The following VAV3 variants were observed in gnomAD, a reference collection of about 807,000 sequenced individuals.
VAV3 encodes vav guanine nucleotide exchange factor 3.
In VAV3, 94 loss-of-function variants were observed where a neutral mutation model predicts 131.2. The ratio of observed to expected loss-of-function variants is 0.72; its 90% CI spans 0.61 to 0.85. The LOEUF (loss-of-function observed/expected upper bound fraction) is 0.85. VAV3 is among the 40% of genes least tolerant of loss of function. VAV3 has a pLI of 0.00. For synonymous variants in VAV3, 349 were observed against 342.0 expected, an observed-to-expected ratio of 1.02 and a Z score of -0.22; for missense variants, 939 against 1,002.7, an observed-to-expected ratio of 0.94 and a Z score of 0.86.
chr1:107,950,078 G>C (rs1200404885), intron 1 of VAV3, among the ~76,000 whole-genome samples: 2 of 151,846 alleles, frequency 1.3e-5, no homozygotes, highest in African/African-American at 2.4e-5. Context: ...AGAGCTTCTG[G>C]TTCATCGATA....
intron 20 of VAV3, among the ~76,000 whole-genome samples, chr1:107,620,417 A>G (rs909392290): frequency 1.3e-5 from 2 of 152,174 alleles, no homozygotes; most frequent in African/African-American, 4.8e-5. Context: ...ATAACTACCT[A>G]CAATATTCAG....
At chr1:107,762,228 G>C (rs1664482474) in intron 9 of VAV3, among the ~76,000 whole-genome samples, 1 of 151,678 alleles carries the variant, frequency 6.6e-6, no homozygotes, top group Admixed American at 6.6e-5. Context: ...CCAGTTCATA[G>C]ACGGAGTTGT....
intron 2 of VAV3, among the ~76,000 whole-genome samples, chr1:107,812,898 C>A (rs926726318): frequency 6.6e-6 from 1 of 151,924 alleles, no homozygotes; most frequent in Non-Finnish European, 1.5e-5. Context: ...CCAAGGCAGG[C>A]GGATCACGAG....
At chr1:107,914,164 A>G (rs1423786318) in intron 1 of VAV3, among the ~76,000 whole-genome samples, 1 of 152,246 alleles carries the variant, frequency 6.6e-6, no homozygotes, top group African/African-American at 2.4e-5. Context: ...TAGATGACAG[A>G]CAGATGAATG....
At chr1:107,607,030 C>A (rs917918066) in intron 22 of VAV3, among the ~76,000 whole-genome samples, 1 of 151,028 alleles carries the variant, frequency 6.6e-6, no homozygotes, top group Non-Finnish European at 1.5e-5. Flanking sequence ...TCTCGGCTGC[C>A]TGCAACCTCC....
chr1:107,690,698 C>T (rs142317282), intron 17 of VAV3, among the ~76,000 whole-genome samples: 159 of 152,304 alleles, frequency 1.0e-3, no homozygotes, highest in Middle Eastern at 3.4e-3. Flanking sequence ...CTACACAAAG[C>T]CTTCTCTGTG....
At chr1:107,897,117 T>A (rs1183340586) in intron 1 of VAV3, 1 of 152,056 alleles carries the variant, frequency 6.6e-6, no homozygotes, top group Non-Finnish European at 1.5e-5. Flanking sequence ...AGACCCAAAG[T>A]AACTGCCACT....
intron 1 of VAV3, among the ~76,000 whole-genome samples, chr1:107,912,204 AT>A (rs1293385204): frequency 2.0e-5 from 3 of 152,234 alleles, no homozygotes; most frequent in South Asian, 2.1e-4. Context: ...ACACAAAAAA[AT>A]AACAACTTCA....
chr1:107,958,598 G>T (rs1426684023), intron 1 of VAV3, among the ~76,000 whole-genome samples: 1 of 151,186 alleles, frequency 6.6e-6, no homozygotes, highest in Non-Finnish European at 1.5e-5. Flanking sequence ...TGAACAAAAA[G>T]AAGATTTTAA....
chr1:107,908,869 AC>A (rs1557916916), intron 1 of VAV3, among the ~76,000 whole-genome samples: 43 of 137,510 alleles, frequency 3.1e-4, no homozygotes, highest in African/African-American at 1.2e-3. Context: ...ACACACACAC[AC>A]ACACAATATA....
chr1:107,876,564 A>G (rs1670507579), intron 1 of VAV3, among the ~76,000 whole-genome samples: 1 of 152,156 alleles, frequency 6.6e-6, no homozygotes, highest in African/African-American at 2.4e-5. Context: ...CAAGTGTTTA[A>G]GTGCAGCAGC....
chr1:107,933,814 C>CAA (rs11383512), intron 1 of VAV3, among the ~76,000 whole-genome samples: 72,506 of 118,970 alleles, frequency 0.61, 22,543 homozygotes, highest in Middle Eastern at 0.77. Flanking sequence ...AGACCCTTCT[C>CAA]AAAAAAAAAA....
At chr1:107,953,213 G>A (rs1674642187) in intron 1 of VAV3, among the ~76,000 whole-genome samples, 1 of 152,102 alleles carries the variant, frequency 6.6e-6, no homozygotes, top group African/African-American at 2.4e-5. Context: ...TTTAGCCAGG[G>A]CACATATCCA....
intron 19 of VAV3, among the ~76,000 whole-genome samples, chr1:107,670,794 C>T (rs12140510): frequency 0.021 from 3,195 of 152,090 alleles, 58 homozygotes; most frequent in East Asian, 0.046. Flanking sequence ...AGTAAAGTGC[C>T]GACTCGAGTT....
At chr1:107,779,333 A>C in intron 3 of VAV3, 101 bp downstream of exon 3, 6 of 1,049,810 alleles carry the variant, frequency 5.7e-6, no homozygotes, top group Non-Finnish European at 6.6e-6. Flanking sequence ...TGAATGAGAC[A>C]TAGTACCTGT....
At chr1:107,776,955 CCA>C (rs1485334513) in intron 4 of VAV3, among the ~76,000 whole-genome samples, 2 of 152,226 alleles carry the variant, frequency 1.3e-5, no homozygotes, top group African/African-American at 2.4e-5. Flanking sequence ...TTCCCTAACT[CCA>C]GTTTTATCTA....
intron 1 of VAV3, among the ~76,000 whole-genome samples, chr1:107,896,224 A>C (rs1295561837): frequency 2.0e-5 from 3 of 152,200 alleles, no homozygotes; most frequent in Non-Finnish European, 4.4e-5. Flanking sequence ...CATATATCAA[A>C]TGTTAAAAAG....
intron 1 of VAV3, 91 bp downstream of exon 1, chr1:107,964,575 A>ACC: frequency 1.4e-6 from 2 of 1,402,032 alleles, no homozygotes; most frequent in Admixed American, 2.1e-5. Context: ...AGCTCAGCGC[A>ACC]CCTAGACGTT....
At chr1:107,654,375 T>A (rs1294348205) in intron 19 of VAV3, among the ~76,000 whole-genome samples, 2 of 152,028 alleles carry the variant, frequency 1.3e-5, no homozygotes, top group Non-Finnish European at 2.9e-5. Context: ...ACCCTGGGAT[T>A]ATAATATTGG....
Sources: allele counts gnomAD v4.1 joint callset (sites outside exome capture counted in the v4.1 genomes callset), GRCh38; gene constraint gnomAD v4.1.1; transcripts MANE v1.5; gene names NCBI Gene and HGNC (gene_info 2026-07-23, HGNC 2026-07-21).